Variants in KCNH5 observed in about 807,000 individuals in gnomAD.
The protein encoded by KCNH5 is voltage-gated delayed rectifier potassium channel KCNH5.
In KCNH5, 46 loss-of-function variants were observed where a neutral mutation model predicts 96.1. That is an observed-to-expected ratio of 0.48 (90% confidence interval 0.38 to 0.61). The LOEUF (loss-of-function observed/expected upper bound fraction) is 0.61, where lower values mean the gene tolerates loss of function less well. Ranked by LOEUF, KCNH5 falls within the 20% of genes least tolerant of loss-of-function variation. The pLI is 0.00. For missense variants in KCNH5, 907 were observed against 1,225.8 expected (o/e 0.74, Z 3.88); for synonymous variants, 439 against 449.8 (o/e 0.98, Z 0.30).
chr14:63,041,017 A>C (rs1489331588), intron 1 of KCNH5, among the ~76,000 whole-genome samples: 10 of 152,210 alleles, frequency 6.6e-5, no homozygotes, highest in South Asian at 4.1e-4. Flanking sequence ...ATTTGTCATA[A>C]AGCTTAAAAT....
At chr14:62,956,971 CT>C (rs1164809649) in intron 6 of KCNH5, among the ~76,000 whole-genome samples, 1 of 152,198 alleles carries the variant, frequency 6.6e-6, no homozygotes, top group Non-Finnish European at 1.5e-5. Flanking sequence ...CTATCCCAGC[CT>C]CTGAGCTATT....
chr14:63,013,200 G>A (rs780492241), intron 2 of KCNH5, among the ~76,000 whole-genome samples: 3 of 151,924 alleles, frequency 2.0e-5, no homozygotes. Context: ...AAATTAATGT[G>A]TTTTTATTTT....
Position 62,802,564 on chromosome 14 carries a change from G to C in KCNH5, c.1587C>G (p.Pro529=), listed in dbSNP as rs1886685713. The stretch of plus-strand genomic sequence containing the variant: ...CACAGATATCAGCTCTCATGTCCTT[G>C]GGACAGATGGAGAGGACCTAAAGAA... The part of the protein sequence containing the change: ...IDTEKVLSIC[P]KDMRADICVH... Residue 529 remains proline (P), a synonymous_variant, in exon 9 of 11, where the codon CCC becomes CCG. Transcript: ENST00000322893. 6.2e-7 allele frequency: 1 copy of C among 1,613,832 alleles called. No homozygotes were observed. Among genetic ancestry groups the C allele is most frequent in the Non-Finnish European group, 8.5e-7 (1 of 1,179,914 alleles).
Position 63,016,693 on chromosome 14 carries a change from T to C in KCNH5, c.197+138A>G. The C allele has an allele frequency of 6.5e-6, 5 of 768,052 alleles. No individual in the cohort carries two copies. The South Asian group carries it at 1.3e-4, about 20-fold the overall frequency. 47.6% of individuals were successfully genotyped at this position (768,052 alleles called of 1,614,324 possible). ...TTAAGCTATGTGTTTCCATTGATAA[T>C]TTAGTCTCCCTAATATTCTAACATA... On this transcript the variant is annotated intron_variant, in intron 2 of 10. Transcript: ENST00000322893.
chr14:62,754,464 TA>T (rs554374147), intron 10 of KCNH5, among the ~76,000 whole-genome samples: 45 of 144,064 alleles, frequency 3.1e-4, no homozygotes, highest in Non-Finnish European at 2.9e-4. Flanking sequence ...AAGGGATGAT[TA>T]AAAAAAAAAA....
intron 1 of KCNH5, among the ~76,000 whole-genome samples, chr14:63,025,607 T>C (rs919715829): frequency 3.5e-5 from 3 of 86,162 alleles, no homozygotes; most frequent in African/African-American, 1.3e-4. Flanking sequence ...AACAATACCA[T>C]TTACAATAGT....
intron 7 of KCNH5, among the ~76,000 whole-genome samples, chr14:62,894,949 T>C (rs1888781656): frequency 6.6e-6 from 1 of 152,218 alleles, no homozygotes; most frequent in African/African-American, 2.4e-5. Context: ...AATCCTATAA[T>C]CTACTCTAAT....
At chr14:62,712,447 T>G in intron 10 of KCNH5, 3 of 584,010 alleles carry the variant, frequency 5.1e-6, no homozygotes, top group Non-Finnish European at 9.2e-6. Context: ...GGTCATATTA[T>G]TCTTTTATCA....
At chr14:62,914,591 T>C (rs1889237673) in intron 7 of KCNH5, among the ~76,000 whole-genome samples, 1 of 152,168 alleles carries the variant, frequency 6.6e-6, no homozygotes, top group African/African-American at 2.4e-5. Context: ...CACATTTACA[T>C]ATATTTTACA....
intron 7 of KCNH5, among the ~76,000 whole-genome samples, chr14:62,902,722 T>C (rs974443202): frequency 6.6e-6 from 1 of 151,014 alleles, no homozygotes; most frequent in Non-Finnish European, 1.5e-5. Flanking sequence ...TCTATGTCTT[T>C]TTTTTTTTTT....
At chr14:62,960,559 A>G (rs1890188092) in intron 6 of KCNH5, among the ~76,000 whole-genome samples, 1 of 152,182 alleles carries the variant, frequency 6.6e-6, no homozygotes, top group African/African-American at 2.4e-5. Flanking sequence ...TAGAAACCAC[A>G]AAACAGTAAT....
At chr14:62,801,739 C>A (rs1262432983) in intron 9 of KCNH5, among the ~76,000 whole-genome samples, 1 of 151,888 alleles carries the variant, frequency 6.6e-6, no homozygotes, top group African/African-American at 2.4e-5. Context: ...GCTTTATAAA[C>A]CTAAATTTAA....
intron 8 of KCNH5, among the ~76,000 whole-genome samples, chr14:62,818,959 ATTTAT>A (rs766326798): frequency 2.8e-4 from 42 of 152,226 alleles, no homozygotes; most frequent in Non-Finnish European, 4.9e-4. Flanking sequence ...TTCTTTATTT[ATTTAT>A]TTTATCTATT....
intron 7 of KCNH5, among the ~76,000 whole-genome samples, chr14:62,936,690 A>C (rs1257430414): frequency 9.0e-6 from 1 of 110,620 alleles, no homozygotes; most frequent in Admixed American, 8.4e-5. Flanking sequence ...AAAAAAAAAA[A>C]AAAAAGGCCA....
chr14:62,742,885 A>G (rs539574342), intron 10 of KCNH5, among the ~76,000 whole-genome samples: 1 of 152,278 alleles, frequency 6.6e-6, no homozygotes, highest in Admixed American at 6.5e-5. Context: ...GAGATACTGA[A>G]TCGTAGTGAC....
intron 8 of KCNH5, among the ~76,000 whole-genome samples, chr14:62,807,796 T>C (rs1236743842): frequency 6.6e-6 from 1 of 152,164 alleles, no homozygotes; most frequent in South Asian, 2.1e-4. Context: ...AGTCCAAGAA[T>C]GTCTCAGATG....
chr14:62,831,693 G>A (rs59289422), intron 8 of KCNH5, among the ~76,000 whole-genome samples: 16,414 of 152,044 alleles, frequency 0.11, 1,118 homozygotes, highest in East Asian at 0.3. Context: ...CTTGTAATGT[G>A]TTTTGATGAA....
chr14:62,868,356 G>A (rs1255741466), intron 7 of KCNH5, among the ~76,000 whole-genome samples: 1 of 152,162 alleles, frequency 6.6e-6, no homozygotes, highest in Non-Finnish European at 1.5e-5. Context: ...AAGGCAACAG[G>A]CCAAATGGCA....
chr14:62,954,445 A>T (rs868078896), intron 6 of KCNH5, among the ~76,000 whole-genome samples: 2 of 152,376 alleles, frequency 1.3e-5, no homozygotes, highest in Middle Eastern at 3.4e-3. Flanking sequence ...CAAAGCTGGC[A>T]TATGGTAATA....
Sources: gnomAD v4.1 joint callset for allele counts (sites outside exome capture counted in the v4.1 genomes callset) on GRCh38, gnomAD v4.1.1 for gene constraint, MANE v1.5 for transcripts, NCBI Gene and HGNC (gene_info 2026-07-23, HGNC 2026-07-21) for gene names.